ANXA8: variants seen among roughly 807,000 people sequenced by gnomAD.
The protein encoded by ANXA8 is annexin A8.
A neutral mutation model predicts 26.8 loss-of-function variants in ANXA8; 9 were observed. The observed-to-expected ratio is 0.34, with a 90% CI of 0.20 to 0.59. The LOEUF (loss-of-function observed/expected upper bound fraction) is 0.59, where lower values mean the gene tolerates loss of function less well. Ranked by LOEUF, ANXA8 falls within the 20% of genes least tolerant of loss-of-function variation. The pLI is 0.84. For synonymous variants in ANXA8, 39 were observed against 94.8 expected (o/e 0.41, Z 3.42); for missense variants, 83 against 238.5 (o/e 0.35, Z 4.29).
At chr10:47,502,760 G>C in the ANXA8 span, 2 of 1,590,318 alleles carry the variant, frequency 1.3e-6, no homozygotes, top group East Asian at 4.7e-5. Flanking sequence ...CTGGTCAGCT[G>C]GGACTTGCTT....
At chr10:47,954,501 C>T in the ANXA8 span, among the ~76,000 whole-genome samples, 3 of 150,860 alleles carry the variant, frequency 2.0e-5, no homozygotes, top group African/African-American at 4.9e-5. Flanking sequence ...AACAGGTTGG[C>T]CAGTCAACAA....
At chr10:47,653,519 G>T in the ANXA8 span, among the ~76,000 whole-genome samples, 1 of 151,752 alleles carries the variant, frequency 6.6e-6, no homozygotes, top group African/African-American at 2.4e-5. Flanking sequence ...TTCTGGAAGA[G>T]ACTTAGTGGG....
the ANXA8 span, among the ~76,000 whole-genome samples, chr10:47,733,342 A>T: frequency 2.4e-5 from 3 of 124,916 alleles, no homozygotes; most frequent in African/African-American, 9.9e-5. Flanking sequence ...CTCTCTCATC[A>T]GAAGAGGTCT....
chr10:47,530,678 G>A, the ANXA8 span, among the ~76,000 whole-genome samples: 24 of 146,574 alleles, frequency 1.6e-4, no homozygotes, highest in Non-Finnish European at 1.8e-4. Context: ...GGGTGACAGA[G>A]TGAGACTCCC....
At chr10:47,733,171 T>TTCTTTCTTTCTTTCTTTCTCTCTCTCTC in the ANXA8 span, among the ~76,000 whole-genome samples, 7 of 100,814 alleles carry the variant, frequency 6.9e-5, no homozygotes, top group African/African-American at 2.2e-4. Flanking sequence ...CTTTCTTTCT[T>TTCTTTCTTTCTTTCTTTCTCTCTCTCTC]TCTTTCTTTC....
chr10:47,576,788 G>T, the ANXA8 span, among the ~76,000 whole-genome samples: 2 of 150,408 alleles, frequency 1.3e-5, 1 homozygote, highest in Non-Finnish European at 2.9e-5. Context: ...CCAAAGTGCA[G>T]GATTACAGGT....
At chr10:47,768,402 A>G in the ANXA8 span, among the ~76,000 whole-genome samples, 1 of 151,550 alleles carries the variant, frequency 6.6e-6, no homozygotes, top group South Asian at 2.1e-4. Flanking sequence ...CGGTTAAGAC[A>G]TGAAGAAATT....
At chr10:47,977,573 G>A in the ANXA8 span, among the ~76,000 whole-genome samples, 103,899 of 150,312 alleles carry the variant, frequency 0.69, 34,778 homozygotes, top group South Asian at 0.78. Context: ...ATGTTAAAAA[G>A]CATGACAATG....
chr10:47,513,265 C>G, the ANXA8 span, among the ~76,000 whole-genome samples: 2 of 144,758 alleles, frequency 1.4e-5, no homozygotes, highest in Non-Finnish European at 3.0e-5. Flanking sequence ...GAACTCCTGA[C>G]CTCATGATCC....
At chr10:47,581,852 G>T in the ANXA8 span, among the ~76,000 whole-genome samples, 36 of 150,678 alleles carry the variant, frequency 2.4e-4, 1 homozygote, top group Non-Finnish European at 5.1e-4. Flanking sequence ...TGATCCGCCT[G>T]CCTTGGCCTC....
chr10:47,624,242 CAAAAA>C, the ANXA8 span, among the ~76,000 whole-genome samples: 55 of 29,148 alleles, frequency 1.9e-3, no homozygotes, highest in African/African-American at 6.3e-3. Flanking sequence ...GACTCCATCT[CAAAAA>C]AAAAAAAAAA....
At chr10:47,619,402 T>G in the ANXA8 span, among the ~76,000 whole-genome samples, 55 of 112,646 alleles carry the variant, frequency 4.9e-4, 5 homozygotes, top group East Asian at 0.012. Flanking sequence ...TGGCCAGTGT[T>G]CTGGAGTTAC....
At chr10:47,701,417 G>C in the ANXA8 span, among the ~76,000 whole-genome samples, 1,324 of 151,828 alleles carry the variant, frequency 8.7e-3, 34 homozygotes, top group African/African-American at 0.03. Flanking sequence ...CATATCACAA[G>C]GTTATTCATT....
At chr10:47,482,712 G>A (rs1839870338) in intron 1 of ANXA8, among the ~76,000 whole-genome samples, 1 of 146,968 alleles carries the variant, frequency 6.8e-6, no homozygotes, top group African/African-American at 2.6e-5. Flanking sequence ...TGGGGGCCAG[G>A]ACAGCTGCCC....
At chr10:47,653,122 G>A in the ANXA8 span, among the ~76,000 whole-genome samples, 1 of 150,696 alleles carries the variant, frequency 6.6e-6, no homozygotes, top group African/African-American at 2.5e-5. Context: ...GACCAGCCTG[G>A]CCGACATGGT....
the ANXA8 span, among the ~76,000 whole-genome samples, chr10:47,553,961 G>T: frequency 1.3e-5 from 2 of 149,296 alleles, no homozygotes; most frequent in East Asian, 2.1e-4. Context: ...GAGATCTCGC[G>T]TTCTGGGGGT....
chr10:47,665,468 A>C, the ANXA8 span, among the ~76,000 whole-genome samples: 2 of 151,200 alleles, frequency 1.3e-5, no homozygotes, highest in East Asian at 3.8e-4. Flanking sequence ...ATGATAATGT[A>C]TTTCTCCATT....
chr10:47,681,261 A>C, the ANXA8 span, among the ~76,000 whole-genome samples: 1 of 151,890 alleles, frequency 6.6e-6, no homozygotes, highest in Non-Finnish European at 1.5e-5. Context: ...ATCAGTGATG[A>C]TGCCAAGGTT....
At chr10:47,743,458 G>A in the ANXA8 span, among the ~76,000 whole-genome samples, 2 of 129,700 alleles carry the variant, frequency 1.5e-5, no homozygotes, top group Non-Finnish European at 3.3e-5. Context: ...TAAAAGCAGT[G>A]TTTGCCATAA....
Sources: gnomAD v4.1 joint callset for allele counts (sites outside exome capture counted in the v4.1 genomes callset) on GRCh38, gnomAD v4.1.1 for gene constraint, MANE v1.5 for transcripts, NCBI Gene and HGNC (gene_info 2026-07-23, HGNC 2026-07-21) for gene names.